The following PRDM2 variants were observed in gnomAD, a reference collection of about 807,000 sequenced individuals.
PRDM2 encodes PR/SET domain 2.
PRDM2 carries 30 observed loss-of-function variants against 130.0 expected under a neutral mutation model. The ratio of observed to expected loss-of-function variants is 0.23; its 90% CI spans 0.17 to 0.31. The LOEUF (loss-of-function observed/expected upper bound fraction) is 0.31. Ranked by LOEUF, PRDM2 falls within the 10% of genes least tolerant of loss-of-function variation. The pLI, the probability that PRDM2 is intolerant of heterozygous loss-of-function variation, is 1.00. For missense variants in PRDM2, 2,011 were observed against 2,108.4 expected (o/e 0.95, Z 0.90); for synonymous variants, 871 against 782.4 (o/e 1.11, Z -1.89).
chr1:13,724,440 T>G (rs1642839239), intron 2 of PRDM2, among the ~76,000 whole-genome samples: 1 of 151,958 alleles, frequency 6.6e-6, no homozygotes, highest in South Asian at 2.1e-4. Flanking sequence ...TTGACACTGC[T>G]CACACTCTTT....
At chr1:13,710,488 A>G (rs1642335768) in intron 1 of PRDM2, among the ~76,000 whole-genome samples, 1 of 152,254 alleles carries the variant, frequency 6.6e-6, no homozygotes, top group Non-Finnish European at 1.5e-5. Flanking sequence ...TGAAAGCAAT[A>G]TCTTGAAAAG....
intron 2 of PRDM2, chr1:13,717,534 G>T (rs915397620): frequency 3.0e-6 from 2 of 664,414 alleles, no homozygotes; most frequent in African/African-American, 3.9e-5. Flanking sequence ...GATTAATTAT[G>T]CCTTAATTCT....
At chr1:13,739,495 C>A (rs1440226494) in intron 4 of PRDM2, among the ~76,000 whole-genome samples, 1 of 152,122 alleles carries the variant, frequency 6.6e-6, no homozygotes, top group East Asian at 1.9e-4. Context: ...ATAGGTATAT[C>A]TAACAGGAAA....
At chr1:13,720,817 T>C (rs913094756) in intron 2 of PRDM2, among the ~76,000 whole-genome samples, 3 of 152,212 alleles carry the variant, frequency 2.0e-5, no homozygotes, top group South Asian at 4.1e-4. Flanking sequence ...TTTAACATGA[T>C]TTAAAGATGA....
At chr1:13,809,794 T>A (rs114577181) in intron 8 of PRDM2, among the ~76,000 whole-genome samples, 4,534 of 152,318 alleles carry the variant, frequency 0.03, 109 homozygotes, top group Non-Finnish European at 0.045. Flanking sequence ...GCAAGTTGTC[T>A]TAACAAAATT....
At chr1:13,711,868 A>C (rs1313418751) in intron 1 of PRDM2, among the ~76,000 whole-genome samples, 2 of 152,180 alleles carry the variant, frequency 1.3e-5, no homozygotes, top group Non-Finnish European at 2.9e-5. Context: ...ATCTTTAAGA[A>C]AAAGATGTTA....
chr1:13,788,692 T>C (rs1644790682), intron 8 of PRDM2, among the ~76,000 whole-genome samples: 1 of 152,164 alleles, frequency 6.6e-6, no homozygotes, highest in African/African-American at 2.4e-5. Flanking sequence ...GTCTTCGATA[T>C]TAGTAGTTTT....
intron 8 of PRDM2, chr1:13,787,038 AC>A: frequency 1.0e-6 from 1 of 985,272 alleles, no homozygotes; most frequent in Non-Finnish European, 1.2e-6. Context: ...CTGATCTCTT[AC>A]CCCTGGTATT....
chr1:13,749,164 T>TC (rs1557617084), intron 5 of PRDM2, among the ~76,000 whole-genome samples, 197 bp from the exon 6 acceptor site: 2 of 151,722 alleles, frequency 1.3e-5, no homozygotes, highest in East Asian at 3.9e-4. Context: ...GGTGCGGTCC[T>TC]CCCTCCAGCA....
At chr1:13,706,324 A>G (rs915533872) in intron 1 of PRDM2, among the ~76,000 whole-genome samples, 1 of 152,078 alleles carries the variant, frequency 6.6e-6, no homozygotes, top group African/African-American at 2.4e-5. Flanking sequence ...CTTTTCTGTC[A>G]ACGTAATCTT....
chr1:13,758,489 A>G (rs376095572), intron 6 of PRDM2, among the ~76,000 whole-genome samples: 1 of 151,976 alleles, frequency 6.6e-6, no homozygotes, highest in East Asian at 1.9e-4. Flanking sequence ...ACCCGCCCCA[A>G]CCACCCAAAC....
chr1:13,791,250 C>T (rs527492440), intron 8 of PRDM2, among the ~76,000 whole-genome samples: 8 of 152,042 alleles, frequency 5.3e-5, no homozygotes, highest in Non-Finnish European at 1.0e-4. Flanking sequence ...CCTGGTGCAG[C>T]GAGCCTTTAT....
chr1:13,733,694 C>G (rs995247790), intron 4 of PRDM2, among the ~76,000 whole-genome samples: 15 of 152,212 alleles, frequency 9.9e-5, no homozygotes, highest in Admixed American at 9.8e-4. Context: ...GTCGTTGTTG[C>G]TTTTGTTGTT....
intron 8 of PRDM2, among the ~76,000 whole-genome samples, chr1:13,804,500 G>A (rs1645058143): frequency 6.6e-6 from 1 of 152,166 alleles, no homozygotes; most frequent in South Asian, 2.1e-4. Flanking sequence ...TGCGGCGTCT[G>A]CATGCAGATG....
chr1:13,807,544 C>A (rs1054028787), intron 8 of PRDM2, among the ~76,000 whole-genome samples: 3 of 152,034 alleles, frequency 2.0e-5, no homozygotes, highest in African/African-American at 7.2e-5. Context: ...AGTGGTTAAG[C>A]GAGGCTCACT....
At chr1:13,725,300 G>C (rs1377325679) in intron 2 of PRDM2, among the ~76,000 whole-genome samples, 1 of 152,180 alleles carries the variant, frequency 6.6e-6, no homozygotes, top group African/African-American at 2.4e-5. Flanking sequence ...CGCCTCCCGG[G>C]TTCAAGTGAT....
intron 2 of PRDM2, among the ~76,000 whole-genome samples, chr1:13,727,688 G>T (rs1411243100): frequency 6.6e-6 from 1 of 152,186 alleles, no homozygotes; most frequent in Admixed American, 6.5e-5. Flanking sequence ...GAGTGATGCC[G>T]TGTTGAGGCA....
intron 5 of PRDM2, among the ~76,000 whole-genome samples, chr1:13,743,138 G>A (rs569326189): frequency 7.2e-5 from 11 of 152,186 alleles, no homozygotes; most frequent in African/African-American, 1.7e-4. Context: ...AGTGGCTCAC[G>A]CCTGTAATCC....
intron 2 of PRDM2, among the ~76,000 whole-genome samples, chr1:13,723,835 G>A (rs994429199): frequency 1.3e-5 from 2 of 152,166 alleles, no homozygotes; most frequent in Admixed American, 1.3e-4. Flanking sequence ...GCATTTGTTT[G>A]CCCGTTCGCA....
Sources: allele counts gnomAD v4.1 joint callset (sites outside exome capture counted in the v4.1 genomes callset), GRCh38; gene constraint gnomAD v4.1.1; transcripts MANE v1.5; gene names NCBI Gene and HGNC (gene_info 2026-07-23, HGNC 2026-07-21).